Variants in GSE1 observed in about 807,000 individuals in gnomAD.
GSE1 encodes genetic suppressor element 1.
In GSE1, 32 loss-of-function variants were observed where a neutral mutation model predicts 112.6. The ratio of observed to expected loss-of-function variants is 0.28; its 90% CI spans 0.21 to 0.38. The LOEUF is 0.38. Ranked by LOEUF, GSE1 falls within the 10% of genes least tolerant of loss-of-function variation. GSE1 has a pLI of 1.00. For synonymous variants in GSE1, 1,115 were observed against 735.6 expected (o/e 1.52, Z -8.35); for missense variants, 2,348 against 1,699.2 (o/e 1.38, Z -6.71).
At chr16:85,398,748 G>A (rs2048023708) in intron 2 of GSE1, among the ~76,000 whole-genome samples, 1 of 152,178 alleles carries the variant, frequency 6.6e-6, no homozygotes, top group South Asian at 2.1e-4. Context: ...CCAGCTCTGG[G>A]TTCCTGGGCT....
rs140248596 is a variant in GSE1 at position 85,270,523 on chromosome 16, G to A, written c.2284-86940G>A. On this transcript the variant is annotated intron_variant, in intron 1 of 2. Coordinates refer to the GSE1 transcript ENST00000637419. The stretch of plus-strand genomic sequence containing the variant: ...TTTTCCATTTGCATCCTCTTTTCCA[G>A]TGTTTTCAGAATCTGGAAACAATTA... Among the ~76,000 whole-genome samples, 95 of 148,888 alleles carry A rather than the reference G, an allele frequency of 6.4e-4. 4 individuals are homozygous for A. Among genetic ancestry groups the A allele is most frequent in the African/African-American group, 2.1e-3 (88 of 41,300 alleles).
At chr16:85,236,041 G>C (rs1350231160) in intron 1 of GSE1, among the ~76,000 whole-genome samples, 1 of 142,352 alleles carries the variant, frequency 7.0e-6, no homozygotes, top group African/African-American at 2.8e-5. Context: ...GCTGGGGCTG[G>C]GGCTGGGGCT....
intron 2 of GSE1, among the ~76,000 whole-genome samples, chr16:85,472,518 C>G (rs902991807): frequency 1.3e-5 from 2 of 152,214 alleles, no homozygotes; most frequent in Non-Finnish European, 2.9e-5. Context: ...CCCGTGTGGC[C>G]TCATCTTACC....
intron 2 of GSE1, among the ~76,000 whole-genome samples, chr16:85,458,962 T>C (rs1263541017): frequency 6.6e-6 from 1 of 152,160 alleles, no homozygotes; most frequent in South Asian, 2.1e-4. Flanking sequence ...TGCCCGCAGG[T>C]CTGGGTGGGG....
rs1221872242 is a variant in GSE1 at position 85,373,942 on chromosome 16, G to A, written c.2464+16299G>A. Reference sequence around the variant, plus strand: ...CCCCGCTCCCCGCAGGCCCTGTCAGGTCAGCGGCGCCTTATCCATCGCCCC... The same window carrying A: ...CCCCGCTCCCCGCAGGCCCTGTCAGATCAGCGGCGCCTTATCCATCGCCCC... On this transcript the variant is annotated intron_variant, in intron 2 of 2. Transcript: ENST00000637419. This position sits in a 1 kb window ranked among gnomAD's most constrained non-coding sequence, Gnocchi z 5.1. Among the ~76,000 whole-genome samples the A allele has an allele frequency of 6.6e-6, 1 of 152,214 alleles. No individual in the cohort carries two copies. Among genetic ancestry groups the A allele is most frequent in the Non-Finnish European group, 1.5e-5 (1 of 68,040 alleles).
At chr16:85,464,892 C>T (rs1203460110) in intron 2 of GSE1, among the ~76,000 whole-genome samples, 1 of 152,224 alleles carries the variant, frequency 6.6e-6, no homozygotes, top group Non-Finnish European at 1.5e-5. Context: ...AGAATGGGCC[C>T]TCCCTATGTC....
At chr16:85,463,947 C>G (rs2050052177) in intron 2 of GSE1, among the ~76,000 whole-genome samples, 1 of 152,118 alleles carries the variant, frequency 6.6e-6, no homozygotes, top group Admixed American at 6.5e-5. Context: ...TACCAAGGTC[C>G]CTTTGGGGTG....
chr16:85,666,507 T>A (rs1053299416), intron 13 of GSE1, 160 bp downstream of exon 13: 4 of 691,622 alleles, frequency 5.8e-6, no homozygotes, highest in African/African-American at 1.8e-5. Context: ...AAAACCATGT[T>A]TGTTTGTTTA....
At chr16:85,523,147 G>A (rs1274493606) in intron 2 of GSE1, among the ~76,000 whole-genome samples, 1 of 150,578 alleles carries the variant, frequency 6.6e-6, no homozygotes, top group East Asian at 2.0e-4. Flanking sequence ...GTGGCTGTGA[G>A]ACCTGTGTGT....
At chr16:85,392,695 C>T (rs910442001) in intron 2 of GSE1, among the ~76,000 whole-genome samples, 2 of 152,246 alleles carry the variant, frequency 1.3e-5, no homozygotes, top group Admixed American at 6.5e-5. Flanking sequence ...CCCACTATCT[C>T]TGTATCACAG....
intron 1 of GSE1, among the ~76,000 whole-genome samples, chr16:85,624,628 C>G (rs993647163): frequency 6.6e-6 from 1 of 152,234 alleles, no homozygotes; most frequent in Non-Finnish European, 1.5e-5. Context: ...AGCTGGGTTT[C>G]CTTCCGGCTC....
chr16:85,494,992 CAG>C (rs1242662048), intron 2 of GSE1, among the ~76,000 whole-genome samples: 1 of 135,656 alleles, frequency 7.4e-6, no homozygotes, highest in Non-Finnish European at 1.7e-5. Flanking sequence ...CCACTGGGCA[CAG>C]GGGCAGAGCC....
intron 2 of GSE1, among the ~76,000 whole-genome samples, chr16:85,488,088 C>T (rs75529610): frequency 6.6e-6 from 1 of 152,162 alleles, no homozygotes; most frequent in Non-Finnish European, 1.5e-5. Flanking sequence ...CTCGCTGTGA[C>T]CTTGCAGGGC....
chr16:85,219,484 A>G (rs2075356524), intron 1 of GSE1, among the ~76,000 whole-genome samples: 1 of 152,174 alleles, frequency 6.6e-6, no homozygotes, highest in African/African-American at 2.4e-5. Context: ...CTACCTGGTC[A>G]GGGAGCCTCG....
exon 1 of GSE1, chr16:85,170,250 C>G: frequency 1.0e-6 from 1 of 985,570 alleles, no homozygotes; most frequent in Non-Finnish European, 1.2e-6. Context: ...CCGCGAAGGC[C>G]CACGCGGATG....
chr16:85,263,409 T>C (rs1341577936), intron 1 of GSE1, among the ~76,000 whole-genome samples: 1 of 152,156 alleles, frequency 6.6e-6, no homozygotes, highest in Non-Finnish European at 1.5e-5. Flanking sequence ...AATCTGCGTC[T>C]CTAACAAGTT....
intron 1 of GSE1, chr16:85,583,490 C>G (rs975014252): frequency 6.6e-5 from 10 of 152,624 alleles, no homozygotes; most frequent in African/African-American, 2.2e-4. Context: ...CTCGGCCTTT[C>G]CAGGACCGCC....
intron 3 of GSE1, among the ~76,000 whole-genome samples, chr16:85,650,078 C>G (rs973974529): frequency 6.6e-6 from 1 of 152,188 alleles, no homozygotes; most frequent in South Asian, 2.1e-4. Flanking sequence ...TGCTGGACCT[C>G]CTCTGCCCCT....
chr16:85,475,927 C>T (rs1268400758), intron 2 of GSE1, among the ~76,000 whole-genome samples: 1 of 151,804 alleles, frequency 6.6e-6, no homozygotes, highest in Non-Finnish European at 1.5e-5. Context: ...GCGGCCACTT[C>T]TTTATTATCG....
Sources: allele counts gnomAD v4.1 joint callset (sites outside exome capture counted in the v4.1 genomes callset), GRCh38; gene constraint gnomAD v4.1.1; non-coding constraint Gnocchi (gnomAD v3.1); transcripts MANE v1.5; gene names NCBI Gene and HGNC (gene_info 2026-07-23, HGNC 2026-07-21).